The following BTD variants were observed in gnomAD, a reference collection of about 807,000 sequenced individuals.
BTD encodes biocytinase.
BTD carries 13 observed loss-of-function variants against 17.7 expected under a neutral mutation model. The ratio of observed to expected loss-of-function variants is 0.74; its 90% confidence interval spans 0.48 to 1.17. The LOEUF (loss-of-function observed/expected upper bound fraction) is 1.17, where lower values mean the gene tolerates loss of function less well. Ranked by LOEUF, BTD falls within the 50% of genes most tolerant of loss-of-function variation. The probability of loss-of-function intolerance (pLI) is 0.00; values close to 1 mark genes in which losing one functional copy is unlikely to be tolerated. For missense variants in BTD, 674 were observed against 650.4 expected (o/e 1.04, Z -0.39); for synonymous variants, 240 against 245.2 (o/e 0.98, Z 0.20).
At chr3:15,659,425 G>T (rs933023846) in intron 3 of BTD, among the ~76,000 whole-genome samples, 2 of 152,176 alleles carry the variant, frequency 1.3e-5, no homozygotes, top group African/African-American at 4.8e-5. Flanking sequence ...TGGCAGGTAG[G>T]ATGTTCCCAC....
intron 3 of BTD, chr3:15,689,699 C>T (rs2068563056): frequency 1.9e-5 from 4 of 205,682 alleles, no homozygotes; most frequent in Admixed American, 5.3e-5. Context: ...CTTTTTCACA[C>T]AGAAGCTGGT....
chr3:15,616,101 G>A (rs1411189875), intron 1 of BTD, among the ~76,000 whole-genome samples: 1 of 152,088 alleles, frequency 6.6e-6, no homozygotes, highest in African/African-American at 2.4e-5. Context: ...GAAAAAAACT[G>A]CTATAAACAC....
rs1332966114 is a variant in BTD, at chr3:15,696,135, A to G, written c.400-13925A>G. 7 of 1,560,662 alleles carry G rather than the reference A, an allele frequency of 4.5e-6. No individual in the cohort carries two copies. The highest frequency in any genetic ancestry group is 1.3e-5 in the African/African-American group (1 of 74,246). On this transcript the variant is annotated intron_variant, in intron 3 of 3. Coordinates refer to the BTD transcript ENST00000672141. Reference sequence around the variant, plus strand: ...TTCACAAGAATTCAGGAATCTTACCAGCTGAAGACATAGACGGTGACCATA... The same window carrying G: ...TTCACAAGAATTCAGGAATCTTACCGGCTGAAGACATAGACGGTGACCATA...
At chr3:15,608,314 TTTTG>T (rs1238771207) in intron 1 of BTD, among the ~76,000 whole-genome samples, 2 of 152,146 alleles carry the variant, frequency 1.3e-5, no homozygotes, top group African/African-American at 4.8e-5. Context: ...TTTTGGGTTT[TTTTG>T]TTTTTTGTGT....
chr3:15,627,914 G>A (rs146425906), intron 1 of BTD, among the ~76,000 whole-genome samples: 88 of 152,220 alleles, frequency 5.8e-4, no homozygotes, highest in African/African-American at 2.0e-3. Context: ...TAGAGTTGGG[G>A]TTTCACCATG....
upstream of BTD, chr3:15,601,553 T>A (rs937630850): frequency 4.4e-6 from 7 of 1,603,826 alleles, no homozygotes; most frequent in Admixed American, 5.0e-5. Flanking sequence ...GCACGCCACC[T>A]CTGGTACTGC....
At chr3:15,687,247 T>C (rs908498408) in intron 3 of BTD, among the ~76,000 whole-genome samples, 4 of 152,054 alleles carry the variant, frequency 2.6e-5, no homozygotes, top group Non-Finnish European at 4.4e-5. Context: ...CCAGCCTGCC[T>C]TTCGACATTG....
At chr3:15,679,421 T>C (rs2067289283) in intron 3 of BTD, 1 of 1,613,000 alleles carries the variant, frequency 6.2e-7, no homozygotes, top group Non-Finnish European at 8.5e-7. Flanking sequence ...CTCACAGCAA[T>C]GGTGTATTTC....
chr3:15,617,147 T>G (rs1462756055), intron 1 of BTD, among the ~76,000 whole-genome samples: 1 of 152,254 alleles, frequency 6.6e-6, no homozygotes, highest in Non-Finnish European at 1.5e-5. Context: ...GCCTATTTTT[T>G]AATCAAGTTG....
chr3:15,645,015 A>G lies in BTD; in HGVS notation c.1099A>G (p.Asn367Asp). 2 of 1,614,190 alleles carry G rather than the reference A, an allele frequency of 1.2e-6. No individual in the cohort carries two copies. The highest frequency in any genetic ancestry group is 1.7e-6 in the Non-Finnish European group (2 of 1,180,034). The part of the protein sequence containing the change: ...EVHCDEATKW[N>D]VNAPPTFHSE... ...CCACTGTGATGAGGCCACCAAGTGG[A>G]ACGTGAATGCTCCTCCCACATTTCA... The change falls in exon 4 of 4, where the codon AAC becomes GAC. Residue 367 changes from asparagine (N) to aspartate (D), a missense_variant. Transcript: ENST00000643237.
At chr3:15,670,129 A>T in intron 3 of BTD, 2 of 919,866 alleles carry the variant, frequency 2.2e-6, no homozygotes, top group Non-Finnish European at 3.2e-6. Flanking sequence ...TCTTCCTCCT[A>T]ATGCCATCAG....
At chr3:15,666,204 G>C (rs2065986505) in intron 3 of BTD, among the ~76,000 whole-genome samples, 1 of 152,294 alleles carries the variant, frequency 6.6e-6, no homozygotes, top group South Asian at 2.1e-4. Context: ...TAATCTAGGA[G>C]AATAAAATGA....
At chr3:15,722,251 C>A (rs1330215881) in exon 5 of BTD, among the ~76,000 whole-genome samples, 4 of 152,182 alleles carry the variant, frequency 2.6e-5, no homozygotes, top group Non-Finnish European at 5.9e-5. Flanking sequence ...AAATCAACCA[C>A]ATGGACAACC....
intron 3 of BTD, chr3:15,685,377 A>G: frequency 6.2e-7 from 1 of 1,614,014 alleles, no homozygotes; most frequent in Non-Finnish European, 8.5e-7. Context: ...GGCCCCTGCT[A>G]TCCCGAAGTA....
At chr3:15,670,507 G>C in intron 3 of BTD, 1 of 1,613,920 alleles carries the variant, frequency 6.2e-7, no homozygotes, top group Non-Finnish European at 8.5e-7. Flanking sequence ...TGAGAGCCAG[G>C]CAATCAGCCA....
downstream of BTD, among the ~76,000 whole-genome samples, chr3:15,716,396 ATCT>A (rs1284207113): frequency 1.3e-5 from 2 of 150,500 alleles, no homozygotes; most frequent in African/African-American, 4.9e-5. Context: ...GGTTCAAGTG[ATCT>A]TCTAACAACA....
At chr3:15,615,899 G>GT (rs1245624806) in intron 1 of BTD, among the ~76,000 whole-genome samples, 2 of 152,206 alleles carry the variant, frequency 1.3e-5, no homozygotes, top group Non-Finnish European at 2.9e-5. Flanking sequence ...GAATCATACA[G>GT]TATGTAGCCT....
intron 3 of BTD, chr3:15,670,618 G>T: frequency 1.3e-6 from 2 of 1,499,240 alleles, no homozygotes; most frequent in South Asian, 2.5e-5. Flanking sequence ...CAAAGACAAG[G>T]AAATAAGCCT....
chr3:15,671,251 A>G (rs564510896), intron 3 of BTD, among the ~76,000 whole-genome samples: 3 of 152,224 alleles, frequency 2.0e-5, no homozygotes, highest in South Asian at 2.1e-4. Context: ...AAGTTACCAC[A>G]AAGTGTCAAC....
Sources: gnomAD v4.1 joint callset for allele counts (sites outside exome capture counted in the v4.1 genomes callset) on GRCh38, gnomAD v4.1.1 for gene constraint, MANE v1.5 for transcripts, NCBI Gene and HGNC (gene_info 2026-07-23, HGNC 2026-07-21) for gene names.